The following GMDS variants were observed in gnomAD, a reference collection of about 807,000 sequenced individuals.
GMDS encodes GDP-mannose 4,6-dehydratase.
Under a neutral mutation model 49.9 loss-of-function variants are expected in GMDS, and 20 were observed. That is an observed-to-expected ratio of 0.40 (90% CI 0.28 to 0.58). The LOEUF is 0.58. Among genes scored for constraint, GMDS ranks in the 20% least tolerant of loss-of-function variants. The pLI is 0.42. For synonymous variants in GMDS, 177 were observed against 178.6 expected, an observed-to-expected ratio of 0.99 and a Z score of 0.07; for missense variants, 362 against 481.4, an observed-to-expected ratio of 0.75 and a Z score of 2.32.
At chr6:1,916,187 C>T (rs564116428) in intron 7 of GMDS, among the ~76,000 whole-genome samples, 2 of 152,296 alleles carry the variant, frequency 1.3e-5, no homozygotes, top group African/African-American at 4.8e-5. Context: ...AGACTGACAA[C>T]ATGGCTGTAG....
chr6:2,217,268 C>T (rs1581811117), intron 1 of GMDS, among the ~76,000 whole-genome samples: 1 of 152,226 alleles, frequency 6.6e-6, no homozygotes, highest in East Asian at 1.9e-4. Context: ...GCTTAATTTC[C>T]CCTCACCTCA....
At chr6:1,956,576 C>G (rs1763649407) in intron 6 of GMDS, among the ~76,000 whole-genome samples, 1 of 151,824 alleles carries the variant, frequency 6.6e-6, no homozygotes, top group Non-Finnish European at 1.5e-5. Context: ...GACTGGATAC[C>G]TAGGACTAGA....
chr6:1,744,293 T>C (rs1312991616), intron 7 of GMDS, among the ~76,000 whole-genome samples: 1 of 152,206 alleles, frequency 6.6e-6, no homozygotes, highest in Non-Finnish European at 1.5e-5. Flanking sequence ...GGGACAATGG[T>C]AATAGTTTCA....
chr6:1,700,735 G>A (rs1765513793), intron 9 of GMDS, among the ~76,000 whole-genome samples: 1 of 152,126 alleles, frequency 6.6e-6, no homozygotes, highest in Admixed American at 6.5e-5. Flanking sequence ...GAAGACTGCA[G>A]GTGCCAGCAC....
At chr6:1,792,734 G>T (rs910562149) in intron 7 of GMDS, among the ~76,000 whole-genome samples, 2 of 152,084 alleles carry the variant, frequency 1.3e-5, no homozygotes, top group African/African-American at 4.8e-5. Context: ...TTTAGAGGGT[G>T]GTTTTGCTCT....
At chr6:2,170,880 A>G (rs944058055) in intron 1 of GMDS, among the ~76,000 whole-genome samples, 1 of 151,898 alleles carries the variant, frequency 6.6e-6, no homozygotes, top group Non-Finnish European at 1.5e-5. Flanking sequence ...CTGTAGTCCC[A>G]GCTACTCGGG....
At chr6:2,151,693 C>A (rs764246419) in intron 1 of GMDS, among the ~76,000 whole-genome samples, 6 of 151,966 alleles carry the variant, frequency 3.9e-5, no homozygotes, top group Non-Finnish European at 5.9e-5. Flanking sequence ...AATTTATGCA[C>A]CTTAATATTA....
chr6:2,016,412 T>G (rs1248352178), intron 4 of GMDS, among the ~76,000 whole-genome samples: 2 of 152,180 alleles, frequency 1.3e-5, no homozygotes, highest in African/African-American at 4.8e-5. Flanking sequence ...ATAACCATCC[T>G]AAATGTACAT....
chr6:1,723,209 A>G (rs1334863010), intron 9 of GMDS, among the ~76,000 whole-genome samples: 1 of 151,502 alleles, frequency 6.6e-6, no homozygotes, highest in Non-Finnish European at 1.5e-5. Context: ...TTTTGAGACC[A>G]TTCTGAGTCT....
At chr6:2,164,650 C>T (rs887676399) in intron 1 of GMDS, among the ~76,000 whole-genome samples, 1 of 152,188 alleles carries the variant, frequency 6.6e-6, no homozygotes, top group Non-Finnish European at 1.5e-5. Context: ...CCCTTCCTTC[C>T]CAATCAATGC....
At chr6:2,233,899 A>G (rs896163261) in intron 1 of GMDS, among the ~76,000 whole-genome samples, 4 of 152,234 alleles carry the variant, frequency 2.6e-5, no homozygotes, top group Non-Finnish European at 5.9e-5. Flanking sequence ...GCTCTAAAGT[A>G]TGATACACTG....
At chr6:2,014,737 C>A (rs1767788355) in intron 4 of GMDS, among the ~76,000 whole-genome samples, 1 of 151,924 alleles carries the variant, frequency 6.6e-6, no homozygotes, top group South Asian at 2.1e-4. Flanking sequence ...TAATTATTTG[C>A]AATGTAAATA....
chr6:2,235,866 C>T (rs972260275), intron 1 of GMDS, among the ~76,000 whole-genome samples: 3 of 150,462 alleles, frequency 2.0e-5, no homozygotes, highest in Non-Finnish European at 4.4e-5. Flanking sequence ...GTCTGTGTTG[C>T]CAATCTGGTA....
At chr6:1,657,853 C>CAAAAAAAAAAAA (rs757277370) in intron 9 of GMDS, among the ~76,000 whole-genome samples, 10 of 63,342 alleles carry the variant, frequency 1.6e-4, no homozygotes, top group Non-Finnish European at 2.1e-4. Flanking sequence ...AGAACTCAAG[C>CAAAAAAAAAAAA]AAAAAAAAAA....
intron 7 of GMDS, among the ~76,000 whole-genome samples, chr6:1,776,986 G>C (rs954085662): frequency 1.4e-4 from 21 of 152,190 alleles, no homozygotes; most frequent in African/African-American, 4.8e-4. Flanking sequence ...TCTGGCCAGA[G>C]GTCCCAGATG....
intron 7 of GMDS, among the ~76,000 whole-genome samples, chr6:1,904,668 C>A (rs1760668146): frequency 6.6e-6 from 1 of 152,196 alleles, no homozygotes; most frequent in South Asian, 2.1e-4. Flanking sequence ...CCCACACCAG[C>A]AATGCGCAGT....
intron 7 of GMDS, among the ~76,000 whole-genome samples, chr6:1,782,611 T>C (rs1304579268): frequency 6.6e-6 from 1 of 152,250 alleles, no homozygotes; most frequent in Non-Finnish European, 1.5e-5. Flanking sequence ...ACATGCCTCA[T>C]GGCTAACTGG....
At position 1,957,774 on chromosome 6, in the gene GMDS, G is replaced by A. The variant is rs536513737; in HGVS notation, c.643+2093C>T. ...TTAAAATTTTATTTTAAATGAAGAC[G>A]TGTTACTTTTAGAACATTTTTTATT... On this transcript the variant is annotated intron_variant, in intron 6 of 10. Transcript: ENST00000380815. Among the ~76,000 whole-genome samples the A allele has an allele frequency of 7.9e-5, 12 of 152,274 alleles. No individual in the cohort carries two copies. The South Asian group carries it at 2.5e-3, about 32-fold the overall frequency.
intron 1 of GMDS, among the ~76,000 whole-genome samples, chr6:2,240,383 A>G (rs906013911): frequency 1.3e-5 from 2 of 152,214 alleles, no homozygotes; most frequent in African/African-American, 4.8e-5. Flanking sequence ...TTTATTTCCT[A>G]TTTGATAAGA....
Sources: gnomAD v4.1 joint callset for allele counts (sites outside exome capture counted in the v4.1 genomes callset) on GRCh38, gnomAD v4.1.1 for gene constraint, MANE v1.5 for transcripts, NCBI Gene and HGNC (gene_info 2026-07-23, HGNC 2026-07-21) for gene names.